Variants in DTNB observed in about 807,000 individuals in gnomAD.
DTNB encodes DTN-B.
DTNB carries 63 observed loss-of-function variants against 90.7 expected under a neutral mutation model. The ratio of observed to expected loss-of-function variants is 0.69; its 90% CI spans 0.57 to 0.86. The LOEUF (loss-of-function observed/expected upper bound fraction) is 0.86. Ranked by LOEUF, DTNB falls within the 40% of genes least tolerant of loss-of-function variation. The pLI is 0.00. For missense variants in DTNB, 744 were observed against 807.1 expected (o/e 0.92, Z 0.95); for synonymous variants, 277 against 286.7 (o/e 0.97, Z 0.34).
chr2:25,434,137 T>C, intron 12 of DTNB, 142 bp from the exon 13 acceptor site: 1 of 711,276 alleles, frequency 1.4e-6, no homozygotes, highest in Non-Finnish European at 2.3e-6. Flanking sequence ...TACAATTCAA[T>C]GAGTCTTAGT....
intron 10 of DTNB, among the ~76,000 whole-genome samples, chr2:25,458,038 T>C (rs986257964): frequency 6.6e-6 from 1 of 152,118 alleles, no homozygotes; most frequent in African/African-American, 2.4e-5. Context: ...TTTCACCATG[T>C]TGGCCAGGAT....
At chr2:25,635,036 C>T (rs1046423015) in intron 3 of DTNB, among the ~76,000 whole-genome samples, 46 of 137,002 alleles carry the variant, frequency 3.4e-4, no homozygotes, top group African/African-American at 1.1e-3. Flanking sequence ...CTGCGAGAAA[C>T]ACCCAAGAAT....
At chr2:25,410,355 A>G (rs955409676) in intron 16 of DTNB, among the ~76,000 whole-genome samples, 8 of 151,976 alleles carry the variant, frequency 5.3e-5, no homozygotes, top group African/African-American at 1.9e-4. Context: ...TGTGGCACAC[A>G]CCCCAAAGCT....
intron 16 of DTNB, among the ~76,000 whole-genome samples, chr2:25,414,755 A>G (rs2047468269): frequency 6.6e-6 from 1 of 152,188 alleles, no homozygotes; most frequent in African/African-American, 2.4e-5. Context: ...ATATTTATTG[A>G]GTATCTACTG....
chr2:25,383,956 C>T (rs2038693206), intron 18 of DTNB, 67 bp from the exon 19 acceptor site: 1 of 1,611,904 alleles, frequency 6.2e-7, no homozygotes, highest in Non-Finnish European at 8.5e-7. Context: ...GGAGGGTGAA[C>T]AAAGCAACTG....
At chr2:25,552,463 C>T (rs1453777361) in intron 8 of DTNB, among the ~76,000 whole-genome samples, 1 of 152,260 alleles carries the variant, frequency 6.6e-6, no homozygotes, top group Admixed American at 6.5e-5. Flanking sequence ...CCATGCTACA[C>T]TTCCAGCATT....
At chr2:25,537,866 G>A (rs1029897621) in intron 8 of DTNB, among the ~76,000 whole-genome samples, 1 of 152,174 alleles carries the variant, frequency 6.6e-6, no homozygotes, top group Non-Finnish European at 1.5e-5. Context: ...GGGACCCAGA[G>A]TCTCCTTCAC....
chr2:25,479,511 A>G (rs1243510419), intron 10 of DTNB, among the ~76,000 whole-genome samples: 2 of 152,232 alleles, frequency 1.3e-5, no homozygotes, highest in African/African-American at 4.8e-5. Flanking sequence ...CCTAAGGCAG[A>G]CAAAATTTCT....
chr2:25,633,379 TG>T (rs1254469125), intron 3 of DTNB, among the ~76,000 whole-genome samples: 4 of 152,174 alleles, frequency 2.6e-5, no homozygotes, highest in Non-Finnish European at 5.9e-5. Flanking sequence ...TTGGCCGGGC[TG>T]GTCTCCAGCT....
chr2:25,560,295 A>G (rs1315546680), intron 8 of DTNB, among the ~76,000 whole-genome samples: 1 of 152,236 alleles, frequency 6.6e-6, no homozygotes. Context: ...CTGGGCTATG[A>G]GAAGCTCAGA....
At chr2:25,456,823 T>C (rs1416368782) in intron 10 of DTNB, among the ~76,000 whole-genome samples, 1 of 151,752 alleles carries the variant, frequency 6.6e-6, no homozygotes, top group Non-Finnish European at 1.5e-5. Context: ...CTGCCTCAGC[T>C]TCTCAAAGTG....
chr2:25,532,245 C>CAAAAAAAAAAAAAAAAAAAAAAAAAAAAA (rs11352371), intron 8 of DTNB, among the ~76,000 whole-genome samples: 2 of 74,304 alleles, frequency 2.7e-5, no homozygotes, highest in African/African-American at 4.6e-5. Context: ...AACTCTGTCT[C>CAAAAAAAAAAAAAAAAAAAAAAAAAAAAA]AAAAAAAAAA....
At chr2:25,511,169 T>C (rs1414033502) in intron 9 of DTNB, among the ~76,000 whole-genome samples, 1 of 152,178 alleles carries the variant, frequency 6.6e-6, no homozygotes, top group Non-Finnish European at 1.5e-5. Context: ...TACATATTAA[T>C]GTCCTAAACC....
At chr2:25,633,807 A>C (rs1211182254) in intron 3 of DTNB, among the ~76,000 whole-genome samples, 1 of 144,930 alleles carries the variant, frequency 6.9e-6, no homozygotes, top group Non-Finnish European at 1.5e-5. Flanking sequence ...AGATGTGGGG[A>C]GCGCCTCTGC....
chr2:25,489,531 A>G (rs1159954940), intron 9 of DTNB, among the ~76,000 whole-genome samples: 2 of 152,200 alleles, frequency 1.3e-5, no homozygotes, highest in African/African-American at 4.8e-5. Flanking sequence ...AAAGAGTTAA[A>G]TATAAGCCAG....
chr2:25,392,628 A>G (rs915196070), intron 16 of DTNB, among the ~76,000 whole-genome samples: 4 of 152,222 alleles, frequency 2.6e-5, no homozygotes, highest in Non-Finnish European at 4.4e-5. Flanking sequence ...TTACATGCAT[A>G]AACTAGAAAA....
rs143394339 is a variant in DTNB at position 25,546,688 on chromosome 2, T to G, written c.877-15091A>C. 1.4e-3 allele frequency among the ~76,000 whole-genome samples: 214 copies of G among 152,344 alleles called. 1 individual carries two copies. The highest frequency in any genetic ancestry group is 5.0e-3 in the African/African-American group (207 of 41,588). On this transcript the variant is annotated intron_variant, in intron 8 of 20. Coordinates refer to ENST00000406818, the MANE Select transcript of DTNB (RefSeq NM_021907.5). ...AGCCAGGGCTTTCTCTGACTTTTAA[T>G]CAAGCTAAATTCTACATTTCAATTG...
chr2:25,566,483 CA>C (rs1416446317), intron 8 of DTNB, among the ~76,000 whole-genome samples: 3 of 152,092 alleles, frequency 2.0e-5, no homozygotes, highest in African/African-American at 7.2e-5. Context: ...TTTTTTAATG[CA>C]AAAACAAAGT....
chr2:25,447,236 T>C (rs185493766), intron 12 of DTNB, among the ~76,000 whole-genome samples: 32 of 152,358 alleles, frequency 2.1e-4, no homozygotes, highest in African/African-American at 7.7e-4. Flanking sequence ...CAAGTTTAGT[T>C]GGACTCTTTC....
Sources: gnomAD v4.1 joint callset for allele counts (sites outside exome capture counted in the v4.1 genomes callset) on GRCh38, gnomAD v4.1.1 for gene constraint, MANE v1.5 for transcripts, NCBI Gene and HGNC (gene_info 2026-07-23, HGNC 2026-07-21) for gene names.